Variants in ADARB2 observed in about 807,000 individuals in gnomAD.
The protein encoded by ADARB2 is adenosine deaminase RNA specific B2 (inactive).
ADARB2 carries 25 observed loss-of-function variants against 62.2 expected under a neutral mutation model. The ratio of observed to expected loss-of-function variants is 0.40; its 90% CI spans 0.29 to 0.56. The LOEUF is 0.56. ADARB2 is among the 20% of genes least tolerant of loss of function. ADARB2 has a pLI of 0.43. For synonymous variants in ADARB2, 572 were observed against 500.8 expected (o/e 1.14, Z -1.90); for missense variants, 1,071 against 1,077.4 (o/e 0.99, Z 0.08).
At chr10:1,578,339 TTAA>T (rs10539443) in intron 1 of ADARB2, among the ~76,000 whole-genome samples, 4,698 of 152,334 alleles carry the variant, frequency 0.031, 234 homozygotes, top group African/African-American at 0.11. Flanking sequence ...TTATTTTTCT[TTAA>T]TGAGTTCATG....
chr10:1,215,143 C>T (rs1480238350), intron 7 of ADARB2, among the ~76,000 whole-genome samples: 1 of 152,194 alleles, frequency 6.6e-6, no homozygotes, highest in African/African-American at 2.4e-5. Context: ...GACCTCCAGC[C>T]CCTTGGGTTT....
chr10:1,423,592 C>T (rs965070346), intron 1 of ADARB2, among the ~76,000 whole-genome samples: 1 of 152,052 alleles, frequency 6.6e-6, no homozygotes, highest in Non-Finnish European at 1.5e-5. Context: ...AGTAGGTCCA[C>T]TATGTATGCA....
intron 1 of ADARB2, among the ~76,000 whole-genome samples, chr10:1,416,901 G>C (rs1331728097): frequency 6.6e-6 from 1 of 152,250 alleles, no homozygotes; most frequent in Non-Finnish European, 1.5e-5. Context: ...ATCCACAGCT[G>C]AGAAGGGAGG....
chr10:1,496,023 T>G (rs1831685000), intron 1 of ADARB2, among the ~76,000 whole-genome samples: 1 of 151,884 alleles, frequency 6.6e-6, no homozygotes, highest in South Asian at 2.1e-4. Flanking sequence ...ATCACCATCA[T>G]TAGTATCAAC....
intron 6 of ADARB2, among the ~76,000 whole-genome samples, chr10:1,224,486 C>A (rs1242136023): frequency 6.6e-6 from 1 of 151,468 alleles, no homozygotes; most frequent in African/African-American, 2.4e-5. Context: ...TGTGTTTGCT[C>A]TTGCTTTTCT....
intron 1 of ADARB2, among the ~76,000 whole-genome samples, chr10:1,576,926 A>T (rs1171178347): frequency 6.6e-6 from 1 of 152,056 alleles, no homozygotes; most frequent in African/African-American, 2.4e-5. Context: ...GGAGGCAGTG[A>T]GGTGTCTCCA....
chr10:1,587,168 G>C (rs2676194), intron 1 of ADARB2, among the ~76,000 whole-genome samples: 149,467 of 152,328 alleles, frequency 0.98, 73,376 homozygotes, highest in Non-Finnish European at 1. Flanking sequence ...CATAGTTTGA[G>C]AGTAAAATTA....
intron 1 of ADARB2, among the ~76,000 whole-genome samples, chr10:1,550,869 G>A (rs955213856): frequency 1.5e-5 from 2 of 132,144 alleles, no homozygotes; most frequent in African/African-American, 5.2e-5. Flanking sequence ...CGCCGTGCGA[G>A]CCCTGTTTGT....
intron 1 of ADARB2, among the ~76,000 whole-genome samples, chr10:1,419,809 C>T (rs748352928): frequency 2.6e-5 from 4 of 152,168 alleles, no homozygotes; most frequent in South Asian, 2.1e-4. Context: ...CACATCACAT[C>T]GGAGGGATTC....
At chr10:1,412,207 G>A (rs903027383) in intron 1 of ADARB2, among the ~76,000 whole-genome samples, 2 of 152,130 alleles carry the variant, frequency 1.3e-5, no homozygotes, top group African/African-American at 4.8e-5. Flanking sequence ...TGCATCCTGC[G>A]AGCCCGGAGA....
chr10:1,592,768 C>A (rs77206477), intron 1 of ADARB2, among the ~76,000 whole-genome samples: 2 of 75,908 alleles, frequency 2.6e-5, no homozygotes, highest in African/African-American at 1.6e-4. Flanking sequence ...TTCACTCACC[C>A]AAGCCACCCT....
intron 1 of ADARB2, among the ~76,000 whole-genome samples, chr10:1,445,074 CATTCATCCATCCACCCACCCACCCATCT>C (rs1830951567): frequency 1.3e-5 from 2 of 151,428 alleles, no homozygotes; most frequent in South Asian, 4.2e-4. Context: ...TCCTTCCCTC[CATTCATCCATCCACCCACCCACCCATCT>C]ATCCATCCAT....
intron 6 of ADARB2, among the ~76,000 whole-genome samples, chr10:1,221,152 T>G (rs1830691955): frequency 1.3e-5 from 2 of 152,174 alleles, no homozygotes; most frequent in Admixed American, 6.5e-5. Context: ...TGCAGTGAGC[T>G]GGCCATAAAT....
intron 1 of ADARB2, among the ~76,000 whole-genome samples, chr10:1,455,254 G>A (rs1831083250): frequency 1.3e-5 from 2 of 152,172 alleles, no homozygotes. Context: ...TGCAAATCAA[G>A]CGCCACCTGG....
chr10:1,453,654 A>G (rs1831063756), intron 1 of ADARB2, among the ~76,000 whole-genome samples: 1 of 152,218 alleles, frequency 6.6e-6, no homozygotes, highest in Non-Finnish European at 1.5e-5. Context: ...CTGAACACAC[A>G]CACAAAACAA....
chr10:1,598,511 T>C (rs1833365786), intron 1 of ADARB2, among the ~76,000 whole-genome samples: 1 of 152,184 alleles, frequency 6.6e-6, no homozygotes, highest in Admixed American at 6.5e-5. Flanking sequence ...TAGACAAATA[T>C]CCGTGGAGAA....
At chr10:1,362,847 C>T (rs1189940599) in intron 3 of ADARB2, among the ~76,000 whole-genome samples, 181 bp downstream of exon 3, 1 of 152,232 alleles carries the variant, frequency 6.6e-6, no homozygotes, top group African/African-American at 2.4e-5. Context: ...CTCAAAACCG[C>T]CGGCAGCACC....
rs993037933 is a variant in ADARB2, at chr10:1,351,659, C to T, written c.1077+11369G>A. ...ATACCTCTACTCCCTCCTTAGTGAC[C>T]GATCATGCACCCCTCACCATCCCAT... On this transcript the variant is annotated intron_variant, in intron 3 of 9. Coordinates refer to ENST00000381312, the MANE Select transcript of ADARB2 (RefSeq NM_018702.4). Among the ~76,000 whole-genome samples, 13 of 151,998 alleles carry T rather than the reference C, an allele frequency of 8.6e-5. 1 individual carries two copies. The highest frequency in any genetic ancestry group is 2.6e-4 in the Admixed American group (4 of 15,266).
At chr10:1,588,500 C>T (rs984962652) in intron 1 of ADARB2, among the ~76,000 whole-genome samples, 12 of 152,184 alleles carry the variant, frequency 7.9e-5, no homozygotes, top group African/African-American at 1.2e-4. Flanking sequence ...GTAGGCCAGA[C>T]GGTGCTGCTG....
Sources: allele counts gnomAD v4.1 joint callset (sites outside exome capture counted in the v4.1 genomes callset), GRCh38; gene constraint gnomAD v4.1.1; transcripts MANE v1.5; gene names NCBI Gene and HGNC (gene_info 2026-07-23, HGNC 2026-07-21).